Variants in DYM observed in about 807,000 individuals in gnomAD.
The protein encoded by DYM is dyggve-Melchior-Clausen syndrome protein.
A neutral mutation model predicts 93.1 loss-of-function variants in DYM; 78 were observed. The observed-to-expected ratio is 0.84, with a 90% CI of 0.70 to 1.01. The LOEUF is 1.01. DYM is among the 50% of genes least tolerant of loss of function. The pLI is 0.00. For missense variants in DYM, 789 were observed against 845.0 expected (o/e 0.93, Z 0.82); for synonymous variants, 321 against 319.7 (o/e 1.00, Z -0.04).
intron 8 of DYM, among the ~76,000 whole-genome samples, chr18:49,326,070 T>C (rs971525415): frequency 1.3e-5 from 2 of 152,188 alleles, no homozygotes; most frequent in Non-Finnish European, 2.9e-5. Flanking sequence ...CCTAGAATAA[T>C]TACTGAAGGT....
At chr18:49,208,357 A>G (rs1236890269) in intron 14 of DYM, 2 of 152,166 alleles carry the variant, frequency 1.3e-5, no homozygotes, top group African/African-American at 2.4e-5. Flanking sequence ...TCCATAAGCC[A>G]GTGGAAAGTC....
rs151108963 is a variant in DYM at position 49,431,389 on chromosome 18, A to T, written c.-53-942T>A. Among the ~76,000 whole-genome samples, 44 of 152,324 alleles carry T rather than the reference A, an allele frequency of 2.9e-4. No homozygotes were observed. The East Asian group carries it at 8.3e-3, about 29-fold the overall frequency. On this transcript the variant is annotated intron_variant, in intron 1 of 17. Transcript: ENST00000675505. ...TAGACTAGCATGTAAAAAATTCCCT[A>T]AACAGTATGTTGAAGGAACAAGGGA... is the stretch of plus-strand genomic sequence containing the variant.
chr18:49,112,648 T>C (rs2081528993), intron 16 of DYM, among the ~76,000 whole-genome samples: 1 of 152,146 alleles, frequency 6.6e-6, no homozygotes, highest in Admixed American at 6.6e-5. Context: ...AAGTCCACTG[T>C]AGGGAATTTA....
chr18:49,133,981 G>T (rs991532835), intron 15 of DYM, among the ~76,000 whole-genome samples: 1 of 152,122 alleles, frequency 6.6e-6, no homozygotes, highest in African/African-American at 2.4e-5. Flanking sequence ...AGTACATCTG[G>T]ACAAAGCAAT....
chr18:49,055,297 C>T (rs78606202), intron 17 of DYM, among the ~76,000 whole-genome samples: 2,518 of 152,206 alleles, frequency 0.017, 29 homozygotes, highest in South Asian at 0.066. Context: ...TGAGGGAAGC[C>T]TGTTCACCTG....
chr18:49,218,060 A>T (rs1488379010), intron 13 of DYM, among the ~76,000 whole-genome samples: 2 of 152,118 alleles, frequency 1.3e-5, no homozygotes, highest in African/African-American at 4.8e-5. Flanking sequence ...ATGGAGGAAG[A>T]TCTACCAAGC....
At chr18:49,311,331 A>G (rs1477856463) in intron 8 of DYM, among the ~76,000 whole-genome samples, 1 of 152,224 alleles carries the variant, frequency 6.6e-6, no homozygotes, top group African/African-American at 2.4e-5. Context: ...TAAGAGAGCC[A>G]ACACAATAAA....
At chr18:49,151,174 T>C (rs2085776100) in intron 15 of DYM, among the ~76,000 whole-genome samples, 2 of 152,194 alleles carry the variant, frequency 1.3e-5, no homozygotes, top group Non-Finnish European at 2.9e-5. Flanking sequence ...CTTTATCTAG[T>C]GTTCAGTGAA....
intron 8 of DYM, among the ~76,000 whole-genome samples, chr18:49,290,903 T>C (rs1206023339): frequency 6.6e-6 from 1 of 151,976 alleles, no homozygotes; most frequent in Non-Finnish European, 1.5e-5. Context: ...TTAAAAATAA[T>C]AAGGAAGGGA....
At chr18:49,338,818 A>C (rs2063860462) in intron 6 of DYM, among the ~76,000 whole-genome samples, 1 of 152,236 alleles carries the variant, frequency 6.6e-6, no homozygotes, top group Admixed American at 6.5e-5. Context: ...GAGTACAATA[A>C]GTTTGTAACA....
Position 49,153,883 on chromosome 18 carries a change from T to A in DYM, c.1728+9802A>T, listed in dbSNP as rs75183418. ...ACAGGATATTGGCATAGTCTTAAAG[T>A]ATCTCCCCAAAATATATAGTCATTA... On this transcript the variant is annotated intron_variant, in intron 15 of 17. Transcript: ENST00000675505. Among the ~76,000 whole-genome samples the A allele has an allele frequency of 4.4e-3, 666 of 152,280 alleles. 2 individuals carry two copies. Among genetic ancestry groups the A allele is most frequent in the African/African-American group, 0.015 (627 of 41,556 alleles).
intron 8 of DYM, among the ~76,000 whole-genome samples, chr18:49,317,078 A>G (rs2061991579): frequency 6.6e-6 from 1 of 152,206 alleles, no homozygotes; most frequent in Non-Finnish European, 1.5e-5. Flanking sequence ...TAATGTATCA[A>G]TATTGGCTTG....
Position 49,288,219 on chromosome 18 carries a change from T to C in DYM, c.764-1603A>G, listed in dbSNP as rs923587247. The stretch of plus-strand genomic sequence containing the variant: ...TCCATTACTGACACACTATAACTAA[T>C]AGAAGATTTTGGTGCAGTACTATGG... On this transcript the variant is annotated intron_variant, in intron 8 of 17. Coordinates refer to ENST00000675505, the MANE Select transcript of DYM (RefSeq NM_001353214.3). 3.3e-5 allele frequency among the ~76,000 whole-genome samples: 5 copies of C among 152,108 alleles called. No individual in the cohort carries two copies. In the East Asian group the frequency reaches 9.6e-4, roughly 29 times the overall value.
chr18:49,364,784 C>A (rs1422798451), intron 5 of DYM, among the ~76,000 whole-genome samples: 2 of 152,120 alleles, frequency 1.3e-5, no homozygotes, highest in African/African-American at 4.8e-5. Flanking sequence ...CATTTCACAC[C>A]TCAGTAACAT....
chr18:49,150,476 T>C lies in DYM; in HGVS notation c.1728+13209A>G, dbSNP rs146585815. Reference sequence around the variant, plus strand: ...TAACATAGATGCTAACAAAAGGCCATGTGAGCACACATTGAGAAGGTGGCT... The same window carrying C: ...TAACATAGATGCTAACAAAAGGCCACGTGAGCACACATTGAGAAGGTGGCT... On this transcript the variant is annotated intron_variant, in intron 15 of 17. Coordinates refer to ENST00000675505, the MANE Select transcript of DYM (RefSeq NM_001353214.3). Among the ~76,000 whole-genome samples the C allele has an allele frequency of 6.6e-5, 10 of 152,338 alleles. No homozygotes were observed. The East Asian group carries it at 1.3e-3, about 21-fold the overall frequency.
chr18:49,042,762 T>G lies in DYM; in HGVS notation c.*1293A>C, dbSNP rs2071026982. ...AAGGGGCCCGTGAGGACACAGAGTGTGACTGGAAAGGAAGGTCCCAACTGG... is the reference window on the plus strand; with the variant it reads ...AAGGGGCCCGTGAGGACACAGAGTGGGACTGGAAAGGAAGGTCCCAACTGG... On this transcript the variant is annotated 3_prime_UTR_variant, in exon 18 of 18. Coordinates refer to ENST00000675505, the MANE Select transcript of DYM (RefSeq NM_001353214.3). 1 of 152,228 alleles carries G rather than the reference T, an allele frequency of 6.6e-6. No homozygotes were observed. Among genetic ancestry groups the G allele is most frequent in the Non-Finnish European group, 1.5e-5 (1 of 68,042 alleles). 9.4% of individuals were successfully genotyped at this position (152,228 alleles called of 1,614,324 possible). A position where few individuals can be genotyped will look rare whatever the true frequency, so the allele number is the denominator to read the frequency against.
At chr18:49,319,971 G>C (rs1326390736) in intron 8 of DYM, among the ~76,000 whole-genome samples, 1 of 152,172 alleles carries the variant, frequency 6.6e-6, no homozygotes, top group Non-Finnish European at 1.5e-5. Flanking sequence ...GTATCACAAA[G>C]ATTATGAACA....
intron 17 of DYM, among the ~76,000 whole-genome samples, chr18:49,054,900 C>G (rs547705674): frequency 6.6e-6 from 1 of 152,312 alleles, no homozygotes; most frequent in East Asian, 1.9e-4. Context: ...GCCCCATGCT[C>G]GGGACAAGCT....
chr18:49,274,768 C>T (rs1287752044), intron 10 of DYM, among the ~76,000 whole-genome samples: 3 of 152,078 alleles, frequency 2.0e-5, no homozygotes, highest in Non-Finnish European at 4.4e-5. Flanking sequence ...GTATTACTAG[C>T]TATTTGTATA....
Sources: allele counts gnomAD v4.1 joint callset (sites outside exome capture counted in the v4.1 genomes callset), GRCh38; gene constraint gnomAD v4.1.1; transcripts MANE v1.5; gene names NCBI Gene and HGNC (gene_info 2026-07-23, HGNC 2026-07-21).